The following LRRK1 variants were observed in gnomAD, a reference collection of about 807,000 sequenced individuals.
LRRK1 encodes leucine-rich repeat serine/threonine-protein kinase 1.
Under a neutral mutation model 209.1 loss-of-function variants are expected in LRRK1, and 113 were observed. That is an observed-to-expected ratio of 0.54 (90% confidence interval 0.46 to 0.63). LRRK1 has a LOEUF of 0.63. Ranked by LOEUF, LRRK1 falls within the 30% of genes least tolerant of loss-of-function variation. LRRK1 has a pLI of 0.00. For synonymous variants in LRRK1, 1,144 were observed against 1,099.7 expected, an observed-to-expected ratio of 1.04 and a Z score of -0.80; for missense variants, 2,284 against 2,632.2, an observed-to-expected ratio of 0.87 and a Z score of 2.89.
intron 20 of LRRK1, among the ~76,000 whole-genome samples, chr15:101,037,259 G>A (rs1326619630): frequency 6.6e-6 from 1 of 152,204 alleles, no homozygotes; most frequent in Non-Finnish European, 1.5e-5. Context: ...GGCTGGTTGG[G>A]CTTGTGCACA....
chr15:101,008,974 C>A lies in LRRK1; in HGVS notation c.900C>A (p.Gly300=), dbSNP rs1391421163. The stretch of plus-strand genomic sequence containing the variant: ...CCCTCCCCTCGGTTATCCCCTGGGG[C>A]CTCATCAATCTCCGGAAGCTGAACC... ...LATLPSVIPW[G]LINLRKLNLS... The change falls in exon 7 of 34, where the codon GGC becomes GGA. Residue 300 remains glycine (G), a synonymous_variant. Transcript: ENST00000388948. 6.2e-7 allele frequency: 1 copy of A among 1,613,946 alleles called. No individual in the cohort carries two copies. Among genetic ancestry groups the A allele is most frequent in the African/African-American group, 1.3e-5 (1 of 74,906 alleles).
chr15:100,980,038 T>C (rs2031512475), intron 3 of LRRK1, among the ~76,000 whole-genome samples: 2 of 152,146 alleles, frequency 1.3e-5, no homozygotes, highest in African/African-American at 2.4e-5. Context: ...TTAAAAAAAC[T>C]AGAAATACAC....
Position 101,066,060 on chromosome 15 carries a change from T to C in LRRK1, c.5623T>C (p.Cys1875Arg). Residue 1875 changes from cysteine (C) to arginine (R), a missense_variant, in exon 32 of 34, where the codon TGC becomes CGC. Around this residue, in one of 6 missense-constraint regions of LRRK1, gnomAD observed 643 missense variants for 695.9 expected, o/e 0.92. Coordinates refer to ENST00000388948, the MANE Select transcript of LRRK1 (RefSeq NM_024652.6). ...SSSSVPFSTD[C>R]EDSDMLHTPG... Reference sequence around the variant, plus strand: ...TTCCAGTGTGCCTTTCTCCACCGACTGCGAGGACTCAGACATGCTACATAC... The same window carrying C: ...TTCCAGTGTGCCTTTCTCCACCGACCGCGAGGACTCAGACATGCTACATAC... 6.2e-7 allele frequency: 1 copy of C among 1,614,108 alleles called. No individual in the cohort carries two copies. The highest frequency in any genetic ancestry group is 8.5e-7 in the Non-Finnish European group (1 of 1,180,020).
Position 100,984,479 on chromosome 15 carries a change from C to T in LRRK1, c.433+780C>T, listed in dbSNP as rs561484321. Among the ~76,000 whole-genome samples the T allele has an allele frequency of 4.7e-5, 7 of 149,002 alleles. No individual in the cohort carries two copies. In the East Asian group the frequency reaches 1.4e-3, roughly 30 times the overall value. ...CTGTGCTCCACCCCTCCCCTGGCCC[C>T]ATCCCTCCCTCCCTCCCTCCCTCCC... On this transcript the variant is annotated intron_variant, in intron 4 of 33. Transcript: ENST00000388948.
In LRRK1 at chr15:101,022,781, T is replaced by C. The variant is rs971605492; in HGVS notation, c.2067+184T>C. On this transcript the variant is annotated intron_variant, in intron 15 of 33. Coordinates refer to ENST00000388948, the MANE Select transcript of LRRK1 (RefSeq NM_024652.6). The surrounding 1 kb of genome is among the most constrained non-coding windows in gnomAD (Gnocchi z 4.0). ...CCAAGAGCAGCGAATCATTTCTTAA[T>C]GTGACTTTGTGATGTTTTCTTTTTC... Among the ~76,000 whole-genome samples the C allele has an allele frequency of 6.6e-6, 1 of 152,154 alleles. No homozygotes were observed. Among genetic ancestry groups the C allele is most frequent in the Admixed American group, 6.5e-5 (1 of 15,280 alleles).
chr15:101,010,917 A>G (rs745914944), intron 9 of LRRK1, 80 bp downstream of exon 9: 8 of 1,320,078 alleles, frequency 6.1e-6, no homozygotes, highest in Admixed American at 2.3e-5. Flanking sequence ...CAGGTGCATT[A>G]TGTCAGTTCA....
chr15:101,054,834 A>T, intron 26 of LRRK1, 112 bp from the exon 27 acceptor site: 1 of 986,420 alleles, frequency 1.0e-6, no homozygotes, highest in Non-Finnish European at 1.5e-6. Context: ...AAGAAAAAAA[A>T]TCATAAAGTA....
chr15:100,988,496 G>A (rs908541172), intron 4 of LRRK1, 138 bp from the exon 5 acceptor site: 2 of 790,084 alleles, frequency 2.5e-6, no homozygotes, highest in Non-Finnish European at 4.4e-6. Context: ...TTTTATGGCT[G>A]TATAGTATTC....
At chr15:100,955,715 TA>T (rs2042739306) in intron 2 of LRRK1, among the ~76,000 whole-genome samples, 1 of 26,040 alleles carries the variant, frequency 3.8e-5, no homozygotes, top group African/African-American at 8.5e-5. Context: ...GAATTTTTAC[TA>T]ATGTTTTTTT....
intron 2 of LRRK1, among the ~76,000 whole-genome samples, chr15:100,928,729 C>T (rs2042157355): frequency 6.6e-6 from 1 of 152,176 alleles, no homozygotes; most frequent in Admixed American, 6.5e-5. Context: ...CCTTTTCACA[C>T]CCCCTACCTG....
At chr15:100,971,862 C>CTT (rs2141650016) in intron 2 of LRRK1, among the ~76,000 whole-genome samples, 1 of 152,284 alleles carries the variant, frequency 6.6e-6, no homozygotes, top group South Asian at 2.1e-4. Flanking sequence ...TTTTTAGCTC[C>CTT]CACAAATAAG....
intron 5 of LRRK1, among the ~76,000 whole-genome samples, 184 bp downstream of exon 5, chr15:100,988,997 GC>G (rs1269163705): frequency 6.6e-6 from 1 of 152,196 alleles, no homozygotes; most frequent in African/African-American, 2.4e-5. Context: ...CTCCTTACTT[GC>G]CCCCGCAAGG....
chr15:101,021,939 G>T lies in LRRK1; in HGVS notation c.1834G>T (p.Ala612Ser). 6.2e-7 allele frequency: 1 copy of T among 1,613,632 alleles called. No homozygotes were observed. Among genetic ancestry groups the T allele is most frequent in the Non-Finnish European group, 8.5e-7 (1 of 1,179,666 alleles). ...TEDLTISNVPAEIQKEGPKAM... is the reference protein window; with the variant it reads ...TEDLTISNVPSEIQKEGPKAM... The stretch of plus-strand genomic sequence containing the variant: ...AGACCTGACCATCAGCAATGTGCCT[G>T]CAGAAATCCAAAAAGAAGGTAGGGC... The change falls in exon 14 of 34, where the codon GCA becomes TCA. Residue 612 changes from alanine to serine, a missense_variant. Physicochemically the swap from Ala to Ser is moderately conservative, Grantham distance 99. This residue lies in a region of LRRK1 where 494 missense variants were observed against 522.1 expected (regional missense o/e 0.95). Transcript: ENST00000388948.
intron 2 of LRRK1, among the ~76,000 whole-genome samples, chr15:100,926,680 C>CTT (rs71151990): frequency 2.6e-3 from 214 of 81,830 alleles, no homozygotes; most frequent in Non-Finnish European, 3.3e-3. Flanking sequence ...TTCTTTTTTT[C>CTT]TTTTTTTTTT....
At chr15:101,046,759 G>A (rs890960786) in intron 21 of LRRK1, among the ~76,000 whole-genome samples, 7 of 152,208 alleles carry the variant, frequency 4.6e-5, no homozygotes, top group African/African-American at 1.7e-4. Context: ...AGAACCACTT[G>A]TGCAGAACTG....
chr15:100,961,909 C>T (rs536195220), intron 2 of LRRK1, among the ~76,000 whole-genome samples: 50 of 152,232 alleles, frequency 3.3e-4, no homozygotes, highest in African/African-American at 1.1e-3. Context: ...ATAAATGGCA[C>T]CAATGACCAA....
intron 6 of LRRK1, among the ~76,000 whole-genome samples, chr15:101,006,816 G>A (rs1172439374): frequency 6.6e-6 from 1 of 152,162 alleles, no homozygotes; most frequent in Non-Finnish European, 1.5e-5. Context: ...AGAGTGCACA[G>A]GTATTCACTG....
intron 26 of LRRK1, 136 bp downstream of exon 26, chr15:101,053,556 C>A: frequency 1.3e-6 from 1 of 757,420 alleles, no homozygotes; most frequent in Non-Finnish European, 2.1e-6. Flanking sequence ...GTGTGACCAT[C>A]CCCTGGCTGC....
Position 101,022,714 on chromosome 15 carries a change from C to T in LRRK1, c.2067+117C>T. 1 of 699,662 alleles carries T rather than the reference C, an allele frequency of 1.4e-6. No homozygotes were observed. 43.3% of individuals were successfully genotyped at this position (699,662 alleles called of 1,614,324 possible). A position where few individuals can be genotyped will look rare whatever the true frequency, so the allele number is the denominator to read the frequency against. On this transcript the variant is annotated intron_variant, in intron 15 of 33. Transcript: ENST00000388948. This position sits in a 1 kb window ranked among gnomAD's most constrained non-coding sequence, Gnocchi z 4.0. ...TCAGCCTGGTGTCCAAAGCTCAGGC[C>T]CTTTGCAGGAGCCACTGTGTACCAT...
Sources: gnomAD v4.1 joint callset for allele counts (sites outside exome capture counted in the v4.1 genomes callset) on GRCh38, gnomAD v4.1.1 for gene constraint, gnomAD v4.1.1 regional missense constraint, Gnocchi (gnomAD v3.1) non-coding constraint, MANE v1.5 for transcripts, NCBI Gene and HGNC (gene_info 2026-07-23, HGNC 2026-07-21) for gene names.